Variants in IPO5 observed in about 807,000 individuals in gnomAD.
The protein encoded by IPO5 is importin-5.
Under a neutral mutation model 143.3 loss-of-function variants are expected in IPO5, and 18 were observed. That is an observed-to-expected ratio of 0.13 (90% confidence interval 0.09 to 0.19). IPO5 has a LOEUF of 0.19. IPO5 is among the 10% of genes least tolerant of loss of function. The pLI is 1.00. For missense variants in IPO5, 1,013 were observed against 1,336.9 expected, an observed-to-expected ratio of 0.76 and a Z score of 3.78; for synonymous variants, 477 against 465.7, an observed-to-expected ratio of 1.02 and a Z score of -0.31.
chr13:98,002,373 C>A, intron 13 of IPO5, 94 bp from the exon 14 acceptor site: 1 of 1,284,630 alleles, frequency 7.8e-7, no homozygotes, highest in Non-Finnish European at 1.1e-6. Flanking sequence ...TTTTGTTACT[C>A]TTTTCCAAAT....
intron 11 of IPO5, among the ~76,000 whole-genome samples, chr13:97,997,247 C>T (rs1888370486): frequency 6.6e-6 from 1 of 152,030 alleles, no homozygotes; most frequent in Non-Finnish European, 1.5e-5. Context: ...GAATGAGAAA[C>T]ATTTGTGATG....
Position 97,989,067 on chromosome 13 carries a change from G to T in IPO5, c.370G>T (p.Asp124Tyr), listed in dbSNP as rs1225715392. 1 of 1,601,580 alleles carries T rather than the reference G, an allele frequency of 6.2e-7. No homozygotes were observed. The highest frequency in any genetic ancestry group is 1.3e-5 in the African/African-American group (1 of 74,616). Residue 124 changes from aspartate (D) to tyrosine (Y), a missense_variant, in exon 7 of 29, where the codon GAT (aspartate) becomes TAT (tyrosine). This residue lies in a region of IPO5 where 328 missense variants were observed against 342.0 expected (regional missense o/e 0.96). Transcript: ENST00000651721. Reference protein sequence around the residue: ...AELARNLIDEDGNNQWPEGLK... With the variant: ...AELARNLIDEYGNNQWPEGLK... The stretch of plus-strand genomic sequence containing the variant: ...CTGGATTTCTTTACTTTCAGATGAG[G>T]ATGGCAATAACCAGTGGCCCGAAGG...
At position 98,002,980 on chromosome 13, in the gene IPO5, A is replaced by G. The variant is rs570850185; in HGVS notation, c.1440A>G (p.Pro480=). The G allele has an allele frequency of 8.7e-6, 14 of 1,613,828 alleles. No individual in the cohort carries two copies. Among genetic ancestry groups the G allele is most frequent in the South Asian group, 3.3e-5 (3 of 91,046 alleles). ...TEDCPKSLLI[P]YLDNLVKHLH... ...ACTGTCCCAAGTCACTACTTATTCC[A>G]TACTTGGATAATTTGGTGAAACATC... Residue 480 remains proline, a synonymous_variant, in exon 16 of 29, where the codon CCA becomes CCG. Transcript: ENST00000651721.
At chr13:97,984,924 C>T (rs1179944148) in intron 5 of IPO5, among the ~76,000 whole-genome samples, 1 of 152,186 alleles carries the variant, frequency 6.6e-6, no homozygotes, top group Non-Finnish European at 1.5e-5. Context: ...TGGATTAGCA[C>T]TTTTTAGGTA....
chr13:98,016,568 C>T (rs1890132680), intron 24 of IPO5, among the ~76,000 whole-genome samples, 161 bp from the exon 25 acceptor site: 1 of 152,136 alleles, frequency 6.6e-6, no homozygotes, highest in Non-Finnish European at 1.5e-5. Flanking sequence ...TGATAACCCA[C>T]ACTTGAGGGT....
intron 6 of IPO5, among the ~76,000 whole-genome samples, chr13:97,987,730 T>C (rs534033143): frequency 1.3e-5 from 2 of 152,302 alleles, no homozygotes; most frequent in South Asian, 4.1e-4. Context: ...CTCAAATGCC[T>C]GACCTCAAAT....
chr13:97,977,501 T>G (rs1483012506), intron 4 of IPO5, among the ~76,000 whole-genome samples: 1 of 152,210 alleles, frequency 6.6e-6, no homozygotes, highest in African/African-American at 2.4e-5. Context: ...CTCTAGAGAA[T>G]CGTGGGATAA....
At chr13:98,002,441 A>G (rs1262308809) in intron 13 of IPO5, 26 bp from the exon 14 acceptor site, 5 of 1,610,656 alleles carry the variant, frequency 3.1e-6, no homozygotes, top group Non-Finnish European at 8.5e-7. Flanking sequence ...TGTAATTGCT[A>G]TTCCATCTGT....
intron 5 of IPO5, among the ~76,000 whole-genome samples, chr13:97,984,896 A>G (rs1826470617): frequency 6.6e-6 from 1 of 152,232 alleles, no homozygotes; most frequent in Admixed American, 6.5e-5. Flanking sequence ...TGAAAATCCA[A>G]GAATACACAT....
chr13:97,965,662 G>A (rs745892506), intron 2 of IPO5, among the ~76,000 whole-genome samples: 1 of 151,782 alleles, frequency 6.6e-6, no homozygotes, highest in Non-Finnish European at 1.5e-5. Context: ...TTTTCAGATT[G>A]TTTATTGCTA....
chr13:97,982,739 A>G (rs532231174), intron 5 of IPO5, among the ~76,000 whole-genome samples, 156 bp downstream of exon 5: 3 of 151,938 alleles, frequency 2.0e-5, no homozygotes, highest in Admixed American at 2.0e-4. Context: ...TAGGAGTTAT[A>G]ATGTAATTTT....
intron 18 of IPO5, among the ~76,000 whole-genome samples, chr13:98,009,296 T>G (rs1487899783): frequency 6.6e-6 from 1 of 152,076 alleles, no homozygotes; most frequent in African/African-American, 2.4e-5. Flanking sequence ...GTTGCAGGGG[T>G]GGTGAATGGA....
intron 2 of IPO5, chr13:97,960,540 A>AC (rs1055964400): frequency 1.0e-5 from 1 of 100,134 alleles, no homozygotes; most frequent in Non-Finnish European, 2.0e-5. Context: ...TCCAAATTTT[A>AC]CTTTTTATTT....
At chr13:98,006,964 C>A (rs866437141) in intron 17 of IPO5, among the ~76,000 whole-genome samples, 1 of 149,302 alleles carries the variant, frequency 6.7e-6, no homozygotes, top group East Asian at 2.0e-4. Context: ...CTCCTGGGTT[C>A]AAGCGATTCT....
At chr13:98,005,363 A>ATTTT (rs1311915676) in intron 16 of IPO5, among the ~76,000 whole-genome samples, 4 of 120,370 alleles carry the variant, frequency 3.3e-5, no homozygotes, top group Admixed American at 1.6e-4. Context: ...CACCTGGCTA[A>ATTTT]TTTTTATTTA....
intron 2 of IPO5, among the ~76,000 whole-genome samples, chr13:97,961,460 T>C (rs1057176780): frequency 6.6e-6 from 1 of 152,130 alleles, no homozygotes; most frequent in African/African-American, 2.4e-5. Flanking sequence ...GCCTCTCGAG[T>C]AACTGGAATT....
chr13:97,995,748 C>G (rs898436499), intron 11 of IPO5, among the ~76,000 whole-genome samples: 17 of 152,024 alleles, frequency 1.1e-4, no homozygotes, highest in African/African-American at 4.1e-4. Context: ...GAGCAAGACT[C>G]TGTCTCAAAA....
chr13:98,002,374 T>G (rs1276997777), intron 13 of IPO5, 93 bp from the exon 14 acceptor site: 14 of 1,295,342 alleles, frequency 1.1e-5, no homozygotes, highest in Admixed American at 2.2e-5. Flanking sequence ...TTTGTTACTC[T>G]TTTCCAAATA....
intron 11 of IPO5, among the ~76,000 whole-genome samples, chr13:97,995,117 C>T (rs1888137894): frequency 1.4e-5 from 2 of 147,930 alleles, no homozygotes; most frequent in South Asian, 2.1e-4. Flanking sequence ...GGAGTGAGAC[C>T]CTGTCTCAAA....
Sources: allele counts gnomAD v4.1 joint callset (sites outside exome capture counted in the v4.1 genomes callset), GRCh38; gene constraint gnomAD v4.1.1; regional missense constraint gnomAD v4.1.1; transcripts MANE v1.5; gene names NCBI Gene and HGNC (gene_info 2026-07-23, HGNC 2026-07-21).